Variants in ABCA9 observed in about 807,000 individuals in gnomAD.
ABCA9 encodes the protein ATP binding cassette subfamily A member 9.
In ABCA9, 183 loss-of-function variants were observed where a neutral mutation model predicts 205.3. The observed-to-expected ratio is 0.89, with a 90% CI of 0.79 to 1.01. The LOEUF (loss-of-function observed/expected upper bound fraction) is 1.01. Among genes scored for constraint, ABCA9 ranks in the 50% least tolerant of loss-of-function variants. ABCA9 has a pLI of 0.00. For missense variants in ABCA9, 1,805 were observed against 1,912.4 expected (o/e 0.94, Z 1.05); for synonymous variants, 651 against 683.3 (o/e 0.95, Z 0.74).
intron 20 of ABCA9, 160 bp downstream of exon 20, chr17:69,018,253 C>A: frequency 1.7e-6 from 1 of 593,474 alleles, no homozygotes; most frequent in East Asian, 3.3e-5. Context: ...ACAAACTCTC[C>A]CATGTCGTAT....
chr17:69,018,425 T>A lies in ABCA9; in HGVS notation c.2755A>T (p.Ile919Phe). The A allele has an allele frequency of 1.9e-6, 3 of 1,573,436 alleles. No homozygotes were observed. The highest frequency in any genetic ancestry group is 2.6e-6 in the Non-Finnish European group (3 of 1,165,988). Residue 919 changes from isoleucine (I) to phenylalanine (F), a missense_variant, in exon 20 of 39, where the codon ATC becomes TTC. Coordinates refer to ENST00000340001, the MANE Select transcript of ABCA9 (RefSeq NM_080283.4). ...GCCCCATGTTCACCTGTCTTATTGA[T>A]GACCAGTAAATGGGTCAGAGGATCC... is the stretch of plus-strand genomic sequence containing the variant. ...PQDPLTHLLV[I>F]NKTGSTIDNF...
intron 16 of ABCA9, among the ~76,000 whole-genome samples, chr17:69,024,768 G>T (rs545189260): frequency 3.9e-5 from 6 of 152,192 alleles, no homozygotes; most frequent in African/African-American, 1.4e-4. Flanking sequence ...AAAAATGGAG[G>T]TGATGTGATA....
At chr17:69,043,237 A>T (rs960445336) in intron 6 of ABCA9, 5 of 387,240 alleles carry the variant, frequency 1.3e-5, no homozygotes, top group African/African-American at 1.0e-4. Context: ...GTGATACTCT[A>T]ATAACGTGGC....
At chr17:68,992,825 AGG>A (rs57118532) in intron 27 of ABCA9, 189 bp downstream of exon 27, 8,830 of 311,400 alleles carry the variant, frequency 0.028, 698 homozygotes, top group African/African-American at 0.18. Flanking sequence ...AAAAAAAAAA[AGG>A]GGGGGGGTCC....
intron 21 of ABCA9, among the ~76,000 whole-genome samples, chr17:69,017,438 C>A (rs1054459397): frequency 6.6e-6 from 1 of 152,116 alleles, no homozygotes; most frequent in Admixed American, 6.6e-5. Context: ...TATAGCAGTG[C>A]ATTCAACTTA....
In ABCA9 at chr17:69,032,265, G is replaced by A. The variant is rs1157292105; in HGVS notation, c.1288C>T (p.His430Tyr). The change falls in exon 10 of 39, where the codon CAT (histidine) becomes TAT (tyrosine). Residue 430 changes from histidine (H) to tyrosine (Y), a missense_variant. Transcript: ENST00000340001. ...AGGAAAAACAAGGGAGAACATCGATGTCCATATTCAGCTATGTGAGCAGGA... is the reference window on the plus strand; with the variant it reads ...AGGAAAAACAAGGGAGAACATCGATATCCATATTCAGCTATGTGAGCAGGA... ...FDKILPAEYG[H>Y]RCSPLFFLKS... The A allele has an allele frequency of 6.2e-6, 10 of 1,613,254 alleles. No individual in the cohort carries two copies. The highest frequency in any genetic ancestry group is 4.0e-5 in the African/African-American group (3 of 74,922).
intron 16 of ABCA9, among the ~76,000 whole-genome samples, chr17:69,024,993 A>C (rs2070933894): frequency 6.6e-6 from 1 of 152,162 alleles, no homozygotes; most frequent in African/African-American, 2.4e-5. Flanking sequence ...GAAGATCACA[A>C]TTGACTGATG....
intron 12 of ABCA9, among the ~76,000 whole-genome samples, chr17:69,028,251 C>T (rs1011969620): frequency 5.9e-5 from 9 of 152,174 alleles, no homozygotes; most frequent in Non-Finnish European, 7.3e-5. Context: ...ACTGCAACCT[C>T]CGCCTCCCAG....
chr17:68,992,097 A>T, intron 28 of ABCA9, 78 bp downstream of exon 28: 1 of 999,256 alleles, frequency 1.0e-6, no homozygotes, highest in Non-Finnish European at 1.5e-6. Flanking sequence ...TCTTTTACTT[A>T]ATTAATTCAG....
chr17:68,989,217 T>A, intron 30 of ABCA9, 99 bp from the exon 31 acceptor site: 1 of 672,188 alleles, frequency 1.5e-6, no homozygotes, highest in Non-Finnish European at 2.7e-6. Flanking sequence ...ATGTGAAATG[T>A]GCTATATATA....
chr17:69,051,086 G>A lies in ABCA9; in HGVS notation c.41C>T (p.Ala14Val), dbSNP rs1210180503. ...TTTGAGACAGTTCTTGCAGAGAAGAGCCCATGTTTGCTGACCCACGCTCAT... is the reference window on the plus strand; with the variant it reads ...TTTGAGACAGTTCTTGCAGAGAAGAACCCATGTTTGCTGACCCACGCTCAT... ...RRMSVGQQTW[A>V]LLCKNCLKKW... is the part of the protein sequence containing the mutation. The change falls in exon 2 of 39, where the codon GCT becomes GTT. Residue 14 changes from alanine to valine, a missense_variant. Coordinates refer to ENST00000340001, the MANE Select transcript of ABCA9 (RefSeq NM_080283.4). 2 of 1,613,634 alleles carry A rather than the reference G, an allele frequency of 1.2e-6. No homozygotes were observed. Among genetic ancestry groups the A allele is most frequent in the East Asian group, 2.2e-5 (1 of 44,860 alleles).
At chr17:68,999,988 G>A (rs924691516) in intron 25 of ABCA9, among the ~76,000 whole-genome samples, 6 of 152,086 alleles carry the variant, frequency 3.9e-5, no homozygotes, top group South Asian at 2.1e-4. Context: ...GTTTTTTCTC[G>A]TAAATTTGTT....
the ABCA9 span, among the ~76,000 whole-genome samples, chr17:69,074,820 T>C: frequency 6.6e-6 from 1 of 152,196 alleles, no homozygotes; most frequent in East Asian, 1.9e-4. Context: ...CTGGGTCAAA[T>C]GGTAGTTCTA....
At chr17:69,011,851 C>CTTGA in intron 23 of ABCA9, 125 bp downstream of exon 23, 1 of 522,156 alleles carries the variant, frequency 1.9e-6, no homozygotes, top group African/African-American at 2.0e-5. Context: ...TATTAAAGTG[C>CTTGA]TTGATTATTC....
upstream of ABCA9, among the ~76,000 whole-genome samples, chr17:69,063,819 G>A (rs1490708221): frequency 8.5e-5 from 13 of 152,124 alleles, no homozygotes; most frequent in Admixed American, 3.3e-4. Flanking sequence ...TGATCCGCCC[G>A]CCTCGGCCTC....
At chr17:69,036,147 T>C (rs9913052) in intron 6 of ABCA9, among the ~76,000 whole-genome samples, 9,052 of 152,190 alleles carry the variant, frequency 0.059, 675 homozygotes, top group African/African-American at 0.16. Context: ...ATAAATAATA[T>C]GGACAAAAAA....
At position 69,027,755 on chromosome 17, in the gene ABCA9, T is replaced by C; in HGVS notation, c.1676A>G (p.Lys559Arg). ...SRMADIENIS[K>R]FTGFCPQSNV... ...GGATTGTGGACAAAATCCAGTGAACTTGCTGATATTTTCTATATCAGCCAT... is the reference window on the plus strand; with the variant it reads ...GGATTGTGGACAAAATCCAGTGAACCTGCTGATATTTTCTATATCAGCCAT... The change falls in exon 13 of 39, where the codon AAG becomes AGG. Residue 559 changes from lysine (K) to arginine (R), a missense_variant. Coordinates refer to ENST00000340001, the MANE Select transcript of ABCA9 (RefSeq NM_080283.4). 5 of 1,613,004 alleles carry C rather than the reference T, an allele frequency of 3.1e-6. No homozygotes were observed. Among genetic ancestry groups the C allele is most frequent in the Non-Finnish European group, 4.2e-6 (5 of 1,179,374 alleles).
chr17:68,992,094 C>T, intron 28 of ABCA9, 81 bp downstream of exon 28: 1 of 971,258 alleles, frequency 1.0e-6, no homozygotes, highest in South Asian at 1.8e-5. Flanking sequence ...GTGTCTTTTA[C>T]TTAATTAATT....
At position 69,034,398 on chromosome 17, in the gene ABCA9, AT is replaced by A. The variant is rs2071265859; in HGVS notation, c.1129-526del. On this transcript the variant is annotated intron_variant, in intron 8 of 38. Transcript: ENST00000340001. The stretch of plus-strand genomic sequence containing the variant: ...CACCATGACTGGCTAATTTTTTTTT[AT>A]TTGTGGAGATGGGGTTTCACCATGT... Among the ~76,000 whole-genome samples the A allele has an allele frequency of 4.0e-5, 6 of 151,418 alleles. No homozygotes were observed. In the South Asian group the frequency reaches 1.3e-3, roughly 32 times the overall value.
Sources: gnomAD v4.1 joint callset for allele counts (sites outside exome capture counted in the v4.1 genomes callset) on GRCh38, gnomAD v4.1.1 for gene constraint, MANE v1.5 for transcripts, NCBI Gene and HGNC (gene_info 2026-07-23, HGNC 2026-07-21) for gene names.